Variants in LHFPL6 observed in about 807,000 individuals in gnomAD.
The protein encoded by LHFPL6 is LHFPL tetraspan subfamily member 6.
A neutral mutation model predicts 20.6 loss-of-function variants in LHFPL6; 9 were observed. That is an observed-to-expected ratio of 0.44 (90% confidence interval 0.26 to 0.76). LHFPL6 has a LOEUF of 0.76. LHFPL6 is among the 30% of genes least tolerant of loss of function. The pLI is 0.20. For synonymous variants in LHFPL6, 105 were observed against 98.7 expected (o/e 1.06, Z -0.38); for missense variants, 218 against 253.5 (o/e 0.86, Z 0.95).
chr13:39,355,358 C>T (rs975293932), intron 3 of LHFPL6, among the ~76,000 whole-genome samples: 6 of 152,054 alleles, frequency 3.9e-5, no homozygotes, highest in Non-Finnish European at 8.8e-5. Flanking sequence ...AAATTCATTA[C>T]CACCAGACCA....
intron 2 of LHFPL6, among the ~76,000 whole-genome samples, chr13:39,510,798 G>A (rs1408051968): frequency 6.6e-6 from 1 of 151,986 alleles, no homozygotes; most frequent in Non-Finnish European, 1.5e-5. Flanking sequence ...AATAATTGAA[G>A]AGGAAAACTA....
chr13:39,599,547 G>T (rs1470915852), intron 2 of LHFPL6, among the ~76,000 whole-genome samples: 1 of 152,256 alleles, frequency 6.6e-6, no homozygotes, highest in South Asian at 2.1e-4. Context: ...ACTGCCTCCC[G>T]GGAGGGACTA....
chr13:39,368,544 T>A (rs1306102184), intron 3 of LHFPL6, among the ~76,000 whole-genome samples: 1 of 152,182 alleles, frequency 6.6e-6, no homozygotes, highest in Non-Finnish European at 1.5e-5. Flanking sequence ...ATCACGCCAC[T>A]GCACTCCAGC....
chr13:39,600,552 C>T (rs1872904288), intron 2 of LHFPL6, among the ~76,000 whole-genome samples: 1 of 152,126 alleles, frequency 6.6e-6, no homozygotes, highest in South Asian at 2.1e-4. Flanking sequence ...AACTGTCGCC[C>T]CTACTACACC....
At chr13:39,367,195 C>A (rs1343650653) in intron 3 of LHFPL6, among the ~76,000 whole-genome samples, 1 of 152,156 alleles carries the variant, frequency 6.6e-6, no homozygotes, top group African/African-American at 2.4e-5. Flanking sequence ...GAACCACAGA[C>A]ACAGGGGATC....
intron 2 of LHFPL6, among the ~76,000 whole-genome samples, chr13:39,539,062 A>G (rs1163417113): frequency 4.6e-5 from 7 of 152,316 alleles, no homozygotes; most frequent in Non-Finnish European, 7.4e-5. Flanking sequence ...GTAATGCTTT[A>G]TTTATAAACA....
intron 2 of LHFPL6, among the ~76,000 whole-genome samples, chr13:39,403,041 C>T (rs770299016): frequency 5.3e-5 from 8 of 152,288 alleles, no homozygotes; most frequent in Middle Eastern, 3.4e-3. Flanking sequence ...ATTCCCTCAA[C>T]GGGACACACA....
At chr13:39,492,388 C>T (rs188821684) in intron 2 of LHFPL6, among the ~76,000 whole-genome samples, 2 of 152,056 alleles carry the variant, frequency 1.3e-5, no homozygotes, top group Admixed American at 6.5e-5. Flanking sequence ...AGAATTTATA[C>T]GAATGCTGGA....
At chr13:39,583,725 G>A (rs1208279681) in intron 2 of LHFPL6, among the ~76,000 whole-genome samples, 1 of 152,170 alleles carries the variant, frequency 6.6e-6, no homozygotes, top group Non-Finnish European at 1.5e-5. Context: ...AGCAAGTATA[G>A]GGATAAACAG....
intron 2 of LHFPL6, among the ~76,000 whole-genome samples, chr13:39,587,340 G>A (rs1872480181): frequency 6.6e-6 from 1 of 152,054 alleles, no homozygotes; most frequent in Admixed American, 6.6e-5. Context: ...AGGACTTGAT[G>A]TTCCCCTGTC....
intron 2 of LHFPL6, among the ~76,000 whole-genome samples, chr13:39,454,281 T>G (rs1370302607): frequency 6.6e-6 from 1 of 152,188 alleles, no homozygotes; most frequent in East Asian, 1.9e-4. Flanking sequence ...TCCAACACCA[T>G]TTAATCTTCT....
Position 39,441,908 on chromosome 13 carries a change from C to T in LHFPL6, c.386-63382G>A, listed in dbSNP as rs143793837. Among the ~76,000 whole-genome samples the T allele has an allele frequency of 3.9e-3, 564 of 146,416 alleles. 1 individual carries two copies. Among genetic ancestry groups the T allele is most frequent in the African/African-American group, 0.013 (527 of 39,202 alleles). ...GCAATGGTGCTGCCTCGGCTCATTG[C>T]AACCTCCGCCTCCCAGGTTCAAGCG... On this transcript the variant is annotated intron_variant, in intron 2 of 3. Coordinates refer to ENST00000379589, the MANE Select transcript of LHFPL6 (RefSeq NM_005780.3).
At chr13:39,523,514 A>G (rs1593348380) in intron 2 of LHFPL6, among the ~76,000 whole-genome samples, 1 of 148,936 alleles carries the variant, frequency 6.7e-6, no homozygotes, top group East Asian at 2.0e-4. Flanking sequence ...GCCTGCAGTG[A>G]GCCGAGATCA....
At chr13:39,439,622 T>C (rs1405838730) in intron 2 of LHFPL6, among the ~76,000 whole-genome samples, 1 of 152,156 alleles carries the variant, frequency 6.6e-6, no homozygotes. Context: ...AGATGGCGCC[T>C]GGTGGGAGGT....
At chr13:39,509,979 G>A (rs1869631259) in intron 2 of LHFPL6, among the ~76,000 whole-genome samples, 1 of 152,138 alleles carries the variant, frequency 6.6e-6, no homozygotes. Flanking sequence ...GCATGAACCA[G>A]ACGATATAAA....
At chr13:39,565,594 G>A (rs571127538) in intron 2 of LHFPL6, among the ~76,000 whole-genome samples, 4 of 152,354 alleles carry the variant, frequency 2.6e-5, no homozygotes, top group African/African-American at 9.6e-5. Flanking sequence ...GTGGCGATCT[G>A]TTGTACAGTC....
chr13:39,407,549 A>C (rs1009440633), intron 2 of LHFPL6, among the ~76,000 whole-genome samples: 1 of 152,218 alleles, frequency 6.6e-6, no homozygotes, highest in Non-Finnish European at 1.5e-5. Context: ...CATGTCATCA[A>C]AACTTGCTAT....
chr13:39,402,210 T>A (rs1024999537), intron 2 of LHFPL6, among the ~76,000 whole-genome samples: 1 of 152,206 alleles, frequency 6.6e-6, no homozygotes, highest in African/African-American at 2.4e-5. Context: ...TTTGCTTTTT[T>A]AAAATTAATT....
chr13:39,419,075 A>G (rs780071239), intron 2 of LHFPL6, among the ~76,000 whole-genome samples: 1 of 152,180 alleles, frequency 6.6e-6, no homozygotes, highest in Non-Finnish European at 1.5e-5. Flanking sequence ...CCAATTAGTA[A>G]GTAGGTGAAT....
Sources: gnomAD v4.1 joint callset for allele counts (sites outside exome capture counted in the v4.1 genomes callset) on GRCh38, gnomAD v4.1.1 for gene constraint, MANE v1.5 for transcripts, NCBI Gene and HGNC (gene_info 2026-07-23, HGNC 2026-07-21) for gene names.